INTS7: variants seen among roughly 807,000 people sequenced by gnomAD.
The protein encoded by INTS7 is integrator complex subunit 7, also known as chromosome 1 open reading frame 73.
INTS7 carries 46 observed loss-of-function variants against 109.2 expected under a neutral mutation model. The observed-to-expected ratio is 0.42, with a 90% CI of 0.33 to 0.54. INTS7 has a LOEUF of 0.54. INTS7 is among the 20% of genes least tolerant of loss of function. The probability of loss-of-function intolerance (pLI) is 0.07; values close to 1 mark genes in which losing one functional copy is unlikely to be tolerated. For missense variants in INTS7, 929 were observed against 1,132.4 expected (o/e 0.82, Z 2.58); for synonymous variants, 412 against 402.9 (o/e 1.02, Z -0.27).
In INTS7 at chr1:212,035,372, G is replaced by C; in HGVS notation, c.66C>G (p.Ala22=). The change falls in exon 1 of 20, where the codon GCC becomes GCG. Residue 22 remains alanine (A), a synonymous_variant. Coordinates refer to ENST00000366994, the MANE Select transcript of INTS7 (RefSeq NM_015434.4). ...TGTCCAATTCCATAAGGGCAGAGTT[G>C]GCATCCAGTTCCTGTTCGCCATAGC... ...DAGYGEQELD[A]NSALMELDKG... is the part of the protein sequence containing the mutation. The C allele has an allele frequency of 6.2e-7, 1 of 1,613,434 alleles. No homozygotes were observed. The highest frequency in any genetic ancestry group is 8.5e-7 in the Non-Finnish European group (1 of 1,179,302).
At position 211,959,937 on chromosome 1, in the gene INTS7, T is replaced by C. The variant is rs1663541192; in HGVS notation, c.2183+6493A>G. On this transcript the variant is annotated intron_variant, in intron 16 of 19. Transcript: ENST00000366994. This position sits in a 1 kb window ranked among gnomAD's most constrained non-coding sequence, Gnocchi z 4.2. Reference sequence around the variant, plus strand: ...GGCCGGCATCCCAGACCTGCTAGTATCCTGCCGCGGTGGACAAGTGTGCAT... The same window carrying C: ...GGCCGGCATCCCAGACCTGCTAGTACCCTGCCGCGGTGGACAAGTGTGCAT... Among the ~76,000 whole-genome samples, 1 of 152,042 alleles carries C rather than the reference T, an allele frequency of 6.6e-6. No homozygotes were observed. Among genetic ancestry groups the C allele is most frequent in the African/African-American group, 2.4e-5 (1 of 41,272 alleles).
chr1:211,989,210 C>T (rs1048381245), intron 7 of INTS7, among the ~76,000 whole-genome samples: 6 of 151,972 alleles, frequency 3.9e-5, no homozygotes, highest in African/African-American at 1.5e-4. Context: ...TTTTAAAGAT[C>T]ATGTGGAAAA....
At chr1:212,027,634 A>G (rs528333122) in intron 1 of INTS7, among the ~76,000 whole-genome samples, 1 of 152,372 alleles carries the variant, frequency 6.6e-6, no homozygotes, top group East Asian at 1.9e-4. Flanking sequence ...AGCATTCATT[A>G]TTCTAACATT....
At chr1:211,962,172 A>G (rs1663659969) in intron 16 of INTS7, among the ~76,000 whole-genome samples, 2 of 151,972 alleles carry the variant, frequency 1.3e-5, no homozygotes, top group South Asian at 2.1e-4. Context: ...AAAGAGATAG[A>G]GAAAAACCTA....
rs537659398 is a variant in INTS7, at chr1:212,035,517, T to C, written c.-80A>G. On this transcript the variant is annotated 5_prime_UTR_variant, in exon 1 of 20. Coordinates refer to ENST00000366994, the MANE Select transcript of INTS7 (RefSeq NM_015434.4). The stretch of plus-strand genomic sequence containing the variant: ...GGACCGCCATCTTCCCCCGCCGCCT[T>C]CTTGCTGGTTTTTCTTCCGCGCGCT... 9.0e-6 allele frequency: 10 copies of C among 1,109,918 alleles called. No homozygotes were observed. The highest frequency in any genetic ancestry group is 2.4e-5 in the East Asian group (1 of 42,520). 68.8% of individuals were successfully genotyped at this position (1,109,918 alleles called of 1,614,324 possible).
Position 211,975,320 on chromosome 1 carries a change from G to A in INTS7, c.1661C>T (p.Ala554Val). The A allele has an allele frequency of 1.2e-6, 2 of 1,614,070 alleles. No individual in the cohort carries two copies. The highest frequency in any genetic ancestry group is 1.7e-6 in the Non-Finnish European group (2 of 1,179,962). The change falls in exon 13 of 20, where the codon GCC becomes GTC. Residue 554 changes from alanine (A) to valine (V), a missense_variant. Physicochemically the swap from Ala to Val is moderately conservative, Grantham distance 64. Coordinates refer to ENST00000366994, the MANE Select transcript of INTS7 (RefSeq NM_015434.4). ...TAGCCAGAAGTAGAAATGTTCTGAG[G>A]CAACCTGAGTCAGCAAACTCTGATA... ...ELYQSLLTQV[A>V]SEHFYFWLNS... is the part of the protein sequence containing the mutation.
chr1:211,994,362 C>T (rs1665277181), intron 7 of INTS7, among the ~76,000 whole-genome samples: 1 of 151,338 alleles, frequency 6.6e-6, no homozygotes, highest in Non-Finnish European at 1.5e-5. Context: ...GATTAATTGA[C>T]AACATCTGTT....
chr1:211,941,749 T>A lies in INTS7; in HGVS notation c.*75A>T. The A allele has an allele frequency of 6.5e-7, 1 of 1,529,952 alleles. No individual in the cohort carries two copies. Among genetic ancestry groups the A allele is most frequent in the Non-Finnish European group, 8.8e-7 (1 of 1,131,784 alleles). 94.8% of individuals were successfully genotyped at this position (1,529,952 alleles called of 1,614,324 possible). A position where few individuals can be genotyped will look rare whatever the true frequency, so the allele number is the denominator to read the frequency against. On this transcript the variant is annotated 3_prime_UTR_variant, in exon 20 of 20. Coordinates refer to ENST00000366994, the MANE Select transcript of INTS7 (RefSeq NM_015434.4). ...AACTACACTGTAACTTTAATACTTA[T>A]TCCATATGAAAAACCAAACTGTTTC...
At chr1:211,952,234 A>G (rs1468769610) in intron 17 of INTS7, among the ~76,000 whole-genome samples, 1 of 152,236 alleles carries the variant, frequency 6.6e-6, no homozygotes, top group Non-Finnish European at 1.5e-5. Flanking sequence ...TTCTTTAAAA[A>G]GCCCTCAAAG....
Position 212,035,446 on chromosome 1 carries a change from T to C in INTS7, c.-9A>G, listed in dbSNP as rs370615386. ...GTTGAGTTTGACGCCATGACCCGAATAGTTACTCGACTAGCCTAGTCAGAA... is the reference window on the plus strand; with the variant it reads ...GTTGAGTTTGACGCCATGACCCGAACAGTTACTCGACTAGCCTAGTCAGAA... On this transcript the variant is annotated 5_prime_UTR_variant, in exon 1 of 20. Coordinates refer to ENST00000366994, the MANE Select transcript of INTS7 (RefSeq NM_015434.4). The C allele has an allele frequency of 1.9e-6, 3 of 1,598,544 alleles. No individual in the cohort carries two copies. The highest frequency in any genetic ancestry group is 1.7e-5 in the Admixed American group (1 of 60,018).
intron 9 of INTS7, 68 bp downstream of exon 9, chr1:211,982,608 A>C (rs1664710483): frequency 2.3e-6 from 3 of 1,296,744 alleles, no homozygotes; most frequent in Non-Finnish European, 3.1e-6. Flanking sequence ...TTAAAAAAAA[A>C]TCAAACAGAA....
chr1:211,975,477 G>T, intron 12 of INTS7, 105 bp from the exon 13 acceptor site: 1 of 768,502 alleles, frequency 1.3e-6, no homozygotes, highest in Non-Finnish European at 2.2e-6. Context: ...CCAAACCTTG[G>T]ATAAGTCTGA....
At chr1:212,020,521 A>G (rs1024348324) in intron 2 of INTS7, among the ~76,000 whole-genome samples, 2 of 152,092 alleles carry the variant, frequency 1.3e-5, no homozygotes, top group Non-Finnish European at 2.9e-5. Flanking sequence ...GCAGAACTAA[A>G]TCTCCTCAAA....
chr1:212,010,690 T>C (rs1372722690), intron 5 of INTS7, among the ~76,000 whole-genome samples: 5 of 152,190 alleles, frequency 3.3e-5, no homozygotes, highest in Non-Finnish European at 5.9e-5. Context: ...TTACCTTTTC[T>C]ACCTCAGATA....
chr1:211,991,656 A>G (rs1319220489), intron 7 of INTS7, among the ~76,000 whole-genome samples: 2 of 152,242 alleles, frequency 1.3e-5, no homozygotes, highest in Non-Finnish European at 2.9e-5. Context: ...AAGTCAAAGC[A>G]CTTTGTGACC....
chr1:212,035,310 C>T (rs772079910), intron 1 of INTS7, 34 bp downstream of exon 1: 59 of 1,422,494 alleles, frequency 4.1e-5, no homozygotes, highest in Non-Finnish European at 5.9e-5. Context: ...CCCCCCACGC[C>T]TGTTTCACCC....
At chr1:212,015,402 C>T (rs1666379061) in intron 4 of INTS7, among the ~76,000 whole-genome samples, 1 of 151,990 alleles carries the variant, frequency 6.6e-6, no homozygotes, top group Admixed American at 6.6e-5. Flanking sequence ...AATCTATAAC[C>T]TTACCCCCAA....
At chr1:212,007,934 T>C (rs1302865111) in intron 5 of INTS7, among the ~76,000 whole-genome samples, 5 of 152,208 alleles carry the variant, frequency 3.3e-5, no homozygotes, top group Non-Finnish European at 7.3e-5. Flanking sequence ...TGCCTTTCTT[T>C]ATTGCATACA....
At chr1:211,995,511 AAAAC>A (rs1665341963) in intron 7 of INTS7, among the ~76,000 whole-genome samples, 1 of 151,756 alleles carries the variant, frequency 6.6e-6, no homozygotes, top group African/African-American at 2.4e-5. Flanking sequence ...CATGCAAAGA[AAAAC>A]AAGCAAGTGG....
Sources: gnomAD v4.1 joint callset for allele counts (sites outside exome capture counted in the v4.1 genomes callset) on GRCh38, gnomAD v4.1.1 for gene constraint, Gnocchi (gnomAD v3.1) non-coding constraint, MANE v1.5 for transcripts, NCBI Gene and HGNC (gene_info 2026-07-23, HGNC 2026-07-21) for gene names.